MYO7B: variants seen among roughly 807,000 people sequenced by gnomAD.
MYO7B encodes myosin VIIB, also known as unconventional myosin-VIIb.
In MYO7B, 212 loss-of-function variants were observed where a neutral mutation model predicts 259.7. The observed-to-expected ratio is 0.82, with a 90% confidence interval of 0.73 to 0.91. The LOEUF (loss-of-function observed/expected upper bound fraction) is 0.91. Ranked by LOEUF, MYO7B falls within the 40% of genes least tolerant of loss-of-function variation. The pLI, the probability that MYO7B is intolerant of heterozygous loss-of-function variation, is 0.00. For synonymous variants in MYO7B, 1,197 were observed against 1,166.4 expected (o/e 1.03, Z -0.54); for missense variants, 2,732 against 2,813.5 (o/e 0.97, Z 0.66).
rs550397109 is a variant in MYO7B, at chr2:127,609,085, A to G, written c.2814+207A>G. Among the ~76,000 whole-genome samples the G allele has an allele frequency of 6.6e-6, 1 of 152,290 alleles. No individual in the cohort carries two copies. The highest frequency in any genetic ancestry group is 2.1e-4 in the South Asian group (1 of 4,826). On this transcript the variant is annotated intron_variant, in intron 22 of 47. Transcript: ENST00000409816. The surrounding 1 kb of genome is among the most constrained non-coding windows in gnomAD (Gnocchi z 6.9). Reference sequence around the variant, plus strand: ...CGAGTCAGGCAGGCTTCCCACCTGCAAGACTTCCTGGAGCCTTCTCTACCA... The same window carrying G: ...CGAGTCAGGCAGGCTTCCCACCTGCGAGACTTCCTGGAGCCTTCTCTACCA...
intron 26 of MYO7B, among the ~76,000 whole-genome samples, chr2:127,617,947 TCTC>T (rs1475096245): frequency 2.0e-5 from 3 of 151,896 alleles, no homozygotes; most frequent in Non-Finnish European, 2.9e-5. Flanking sequence ...CCTGCAAGTT[TCTC>T]CTAGTCTTTG....
At position 127,627,513 on chromosome 2, in the gene MYO7B, C is replaced by T; in HGVS notation, c.4460+203C>T. 3 of 758,354 alleles carry T rather than the reference C, an allele frequency of 4.0e-6. No individual in the cohort carries two copies. Among genetic ancestry groups the T allele is most frequent in the Non-Finnish European group, 6.8e-6 (3 of 442,854 alleles). The allele number at this position is 758,354 out of a possible 1,614,324, so 47.0% of individuals were successfully genotyped here. ...AGGCCGTACTGCCCATGAAGTACTC[C>T]ATTGGGGCATCACGCGTTGCACTGG... On this transcript the variant is annotated intron_variant, in intron 33 of 47. Transcript: ENST00000409816. The surrounding 1 kb of genome is among the most constrained non-coding windows in gnomAD (Gnocchi z 5.6).
In MYO7B at chr2:127,585,965, T is replaced by C. The variant is rs1679290160; in HGVS notation, c.1690+1052T>C. ...GTAAGACTTCTTTATATATTCTGGA[T>C]ACAAGTACCTAATAGGTGATTTTAA... is the stretch of plus-strand genomic sequence containing the variant. On this transcript the variant is annotated intron_variant, in intron 14 of 47. Coordinates refer to ENST00000409816, the MANE Select transcript of MYO7B (RefSeq NM_001393586.1). This position sits in a 1 kb window ranked among gnomAD's most constrained non-coding sequence, Gnocchi z 4.3. Among the ~76,000 whole-genome samples, 1 of 152,238 alleles carries C rather than the reference T, an allele frequency of 6.6e-6. No homozygotes were observed. The highest frequency in any genetic ancestry group is 1.5e-5 in the Non-Finnish European group (1 of 68,034).
At chr2:127,570,606 C>T (rs965209705) in intron 6 of MYO7B, among the ~76,000 whole-genome samples, 1 of 152,234 alleles carries the variant, frequency 6.6e-6, no homozygotes, top group Non-Finnish European at 1.5e-5. Context: ...CTGAAGTTTG[C>T]TTTACATATA....
chr2:127,625,377 C>A lies in MYO7B; in HGVS notation c.4057C>A (p.Leu1353Met). Residue 1353 changes from leucine (L) to methionine (M), a missense_variant, in exon 31 of 48, where the codon CTG (leucine) becomes ATG (methionine). Physicochemically the swap from Leu to Met is conservative, Grantham distance 15. Coordinates refer to ENST00000409816, the MANE Select transcript of MYO7B (RefSeq NM_001393586.1). ...GCCCTGGGCTGTGCAGGAGGAAGAGCTGGTTGAGCTGCTGGCCCGGCACTG... is the reference window on the plus strand; with the variant it reads ...GCCCTGGGCTGTGCAGGAGGAAGAGATGGTTGAGCTGCTGGCCCGGCACTG... Reference protein sequence around the residue: ...GEYSFEKEEELVELLARHCYV... With the variant: ...GEYSFEKEEEMVELLARHCYV... The A allele has an allele frequency of 1.3e-6, 2 of 1,580,418 alleles. No homozygotes were observed. Among genetic ancestry groups the A allele is most frequent in the Non-Finnish European group, 1.7e-6 (2 of 1,163,996 alleles).
At position 127,584,921 on chromosome 2, in the gene MYO7B, C is replaced by T. The variant is rs556420615; in HGVS notation, c.1690+8C>T. Reference sequence around the variant, plus strand: ...TGTACTACCAAGCAGAAGGTGGGTGCAGCTCTCCTCTCATGTCCCTTCCAA... The same window carrying T: ...TGTACTACCAAGCAGAAGGTGGGTGTAGCTCTCCTCTCATGTCCCTTCCAA... On this transcript the variant is annotated splice_region_variant and intron_variant, in intron 14 of 47. Transcript: ENST00000409816. This position sits in a 1 kb window ranked among gnomAD's most constrained non-coding sequence, Gnocchi z 5.8. The T allele has an allele frequency of 6.2e-7, 1 of 1,613,702 alleles. No individual in the cohort carries two copies. Among genetic ancestry groups the T allele is most frequent in the Non-Finnish European group, 8.5e-7 (1 of 1,179,722 alleles).
At chr2:127,620,822 T>C (rs1027092327) in intron 27 of MYO7B, among the ~76,000 whole-genome samples, 3 of 152,236 alleles carry the variant, frequency 2.0e-5, no homozygotes, top group African/African-American at 7.2e-5. Flanking sequence ...CGGCACCTCT[T>C]TCTAGTTCTT....
Position 127,624,076 on chromosome 2 carries a change from C to G in MYO7B, c.3820-17C>G. On this transcript the variant is annotated splice_polypyrimidine_tract_variant and intron_variant, in intron 29 of 47. Coordinates refer to ENST00000409816, the MANE Select transcript of MYO7B (RefSeq NM_001393586.1). ...ATGCAACAGCCGCTAACCCCTGCTC[C>G]CCGACTCTGGCCTCAGTTCTGGTCC... is the stretch of plus-strand genomic sequence containing the variant. 1 of 1,545,790 alleles carries G rather than the reference C, an allele frequency of 6.5e-7. No individual in the cohort carries two copies. The highest frequency in any genetic ancestry group is 8.7e-7 in the Non-Finnish European group (1 of 1,143,960).
In MYO7B at chr2:127,581,964, C is replaced by G; in HGVS notation, c.1154C>G (p.Ser385Cys). Reference sequence around the variant, plus strand: ...ATCCGAGGGGAATTTGTCACCAGGTCCCTGAACATTGCCCAGGCTGCTGAC... The same window carrying G: ...ATCCGAGGGGAATTTGTCACCAGGTGCCTGAACATTGCCCAGGCTGCTGAC... ...ILIRGEFVTR[S>C]LNIAQAADRR... Residue 385 changes from serine to cysteine, a missense_variant, in exon 11 of 48, where the codon TCC becomes TGC. Coordinates refer to ENST00000409816, the MANE Select transcript of MYO7B (RefSeq NM_001393586.1). 1 of 1,613,944 alleles carries G rather than the reference C, an allele frequency of 6.2e-7. No homozygotes were observed. Among genetic ancestry groups the G allele is most frequent in the Non-Finnish European group, 8.5e-7 (1 of 1,179,874 alleles).
At position 127,636,398 on chromosome 2, in the gene MYO7B, C is replaced by T; in HGVS notation, c.6123+74C>T. ...AGCCCAGCCCCAGCAGGCCCAGCGT[C>T]AACCAGCACACATCTTGGGTGGGGC... On this transcript the variant is annotated intron_variant, in intron 45 of 47. Transcript: ENST00000409816. This position sits in a 1 kb window ranked among gnomAD's most constrained non-coding sequence, Gnocchi z 4.5. 6.7e-7 allele frequency: 1 copy of T among 1,483,814 alleles called. No homozygotes were observed. The highest frequency in any genetic ancestry group is 1.1e-5 in the South Asian group (1 of 87,570). 91.9% of individuals were successfully genotyped at this position (1,483,814 alleles called of 1,614,324 possible). A position where few individuals can be genotyped will look rare whatever the true frequency, so the allele number is the denominator to read the frequency against.
rs1022169663 is a variant in MYO7B at position 127,589,483 on chromosome 2, T to C, written c.1855-609T>C. Among the ~76,000 whole-genome samples, 8 of 147,070 alleles carry C rather than the reference T, an allele frequency of 5.4e-5. 1 individual carries two copies. The highest frequency in any genetic ancestry group is 1.2e-4 in the Non-Finnish European group (8 of 67,012). On this transcript the variant is annotated intron_variant, in intron 15 of 47. Transcript: ENST00000409816. ...ATAGGAGAAGTGACTTTGTGCTGGG[T>C]AGATGGTGGGGGCCACGCCTGGGTA...
intron 1 of MYO7B, among the ~76,000 whole-genome samples, chr2:127,536,256 G>C (rs181872878): frequency 2.9e-4 from 44 of 152,302 alleles, no homozygotes; most frequent in Middle Eastern, 3.4e-3. Context: ...ATCCCACTGC[G>C]TCCTCGCAAC....
intron 28 of MYO7B, 88 bp from the exon 29 acceptor site, chr2:127,623,113 TG>T: frequency 6.8e-7 from 1 of 1,480,098 alleles, no homozygotes; most frequent in Non-Finnish European, 9.2e-7. Flanking sequence ...GCCCATGGGC[TG>T]GGGAGAGGAG....
rs11696051 is a variant in MYO7B at position 127,539,830 on chromosome 2, G to A, written c.-24+3999G>A. On this transcript the variant is annotated intron_variant, in intron 1 of 47. Coordinates refer to ENST00000409816, the MANE Select transcript of MYO7B (RefSeq NM_001393586.1). The surrounding 1 kb of genome is among the most constrained non-coding windows in gnomAD (Gnocchi z 4.0). ...TGTGTAGTCTTTTGTTGCTCACCCA[G>A]CTCCAGCCTTCCCCCGAAAGTCCCC... Among the ~76,000 whole-genome samples the A allele has an allele frequency of 6.6e-6, 1 of 152,172 alleles. No homozygotes were observed. Among genetic ancestry groups the A allele is most frequent in the Admixed American group, 6.5e-5 (1 of 15,276 alleles).
chr2:127,560,739 G>C (rs1051490427), intron 2 of MYO7B, among the ~76,000 whole-genome samples: 1 of 152,172 alleles, frequency 6.6e-6, no homozygotes. Flanking sequence ...GAGTCCAGGA[G>C]AGCAGGACAG....
rs1328263575 is a variant in MYO7B, at chr2:127,637,361, C to CTGAG, written c.6376_6379dup (p.Ala2127GlufsTer99). 3 of 1,593,526 alleles carry CTGAG rather than the reference C, an allele frequency of 1.9e-6. No individual in the cohort carries two copies. The highest frequency in any genetic ancestry group is 2.7e-5 in the African/African-American group (2 of 74,360). On this transcript the variant is annotated frameshift_variant, in exon 48 of 48. Coordinates refer to ENST00000409816, the MANE Select transcript of MYO7B (RefSeq NM_001393586.1). LOFTEE classifies it low-confidence loss of function (END_TRUNC). ...GCTGACCTCATATGTGCAGCAGCTC[C>CTGAG]TGAGTGCCATGAACAAGCAGCGGGG...
At chr2:127,592,666 TGGGCG>T in intron 16 of MYO7B, 123 bp from the exon 17 acceptor site, 1 of 1,048,664 alleles carries the variant, frequency 9.5e-7, no homozygotes, top group Non-Finnish European at 1.3e-6. Context: ...ACAGTGGGGG[TGGGCG>T]GGGCGGGGGG....
Position 127,577,044 on chromosome 2 carries a change from C to T in MYO7B, c.849+336C>T, listed in dbSNP as rs1558811026. ...CACATGCCTCCTGCTCCTGATTTCA[C>T]TCCAATTGTCTGTCCTTGCAGGCCC... On this transcript the variant is annotated intron_variant, in intron 8 of 47. Transcript: ENST00000409816. The surrounding 1 kb of genome is among the most constrained non-coding windows in gnomAD (Gnocchi z 5.2). 1.3e-5 allele frequency among the ~76,000 whole-genome samples: 2 copies of T among 152,070 alleles called. No homozygotes were observed. Among genetic ancestry groups the T allele is most frequent in the Non-Finnish European group, 1.5e-5 (1 of 67,994 alleles).
At chr2:127,604,550 G>A (rs769071881) in intron 19 of MYO7B, among the ~76,000 whole-genome samples, 13 of 152,164 alleles carry the variant, frequency 8.5e-5, no homozygotes, top group African/African-American at 7.2e-5. Flanking sequence ...TATTCACAAC[G>A]TGGCTGTTTC....
Sources: gnomAD v4.1 joint callset for allele counts (sites outside exome capture counted in the v4.1 genomes callset) on GRCh38, gnomAD v4.1.1 for gene constraint, Gnocchi (gnomAD v3.1) non-coding constraint, MANE v1.5 for transcripts, NCBI Gene and HGNC (gene_info 2026-07-23, HGNC 2026-07-21) for gene names.